GATB: variants seen among roughly 807,000 people sequenced by gnomAD.
GATB encodes glutamyl-tRNA(Gln) amidotransferase subunit B, mitochondrial.
A neutral mutation model predicts 62.3 loss-of-function variants in GATB; 39 were observed. That is an observed-to-expected ratio of 0.63 (90% CI 0.48 to 0.82). The LOEUF (loss-of-function observed/expected upper bound fraction) is 0.82. Among genes scored for constraint, GATB ranks in the 40% least tolerant of loss-of-function variants. The pLI is 0.00. For synonymous variants in GATB, 276 were observed against 258.9 expected (o/e 1.07, Z -0.63); for missense variants, 670 against 684.0 (o/e 0.98, Z 0.23).
rs1454529202 is a variant in GATB at position 151,671,186 on chromosome 4, C to T, written c.1662G>A (p.Lys554=). 2 of 1,614,176 alleles carry T rather than the reference C, an allele frequency of 1.2e-6. No homozygotes were observed. Among genetic ancestry groups the T allele is most frequent in the Non-Finnish European group, 8.5e-7 (1 of 1,180,026 alleles). Reference sequence around the variant, plus strand: ...GATCCCAAACATCTCACAATGACAGCTTCTTCTCCAGGATCTCCTTTATCA... The same window carrying T: ...GATCCCAAACATCTCACAATGACAGTTTCTTCTCCAGGATCTCCTTTATCA... ...PVMIKEILEK[K]LSL is the part of the protein sequence containing the mutation. Residue 554 remains lysine (K), a synonymous_variant, in exon 13 of 13, where the codon AAG becomes AAA. Coordinates refer to ENST00000263985, the MANE Select transcript of GATB (RefSeq NM_004564.3).
intron 2 of GATB, among the ~76,000 whole-genome samples, chr4:151,740,845 C>T (rs968057758): frequency 6.6e-5 from 10 of 152,126 alleles, no homozygotes; most frequent in African/African-American, 2.4e-4. Flanking sequence ...TAGTATAAAT[C>T]ACCAGAACAA....
intron 9 of GATB, among the ~76,000 whole-genome samples, chr4:151,695,629 C>T (rs779272511): frequency 1.3e-5 from 2 of 152,148 alleles, no homozygotes; most frequent in Non-Finnish European, 2.9e-5. Flanking sequence ...CAGGGCCCTG[C>T]AAGCTCATCT....
chr4:151,739,442 A>G (rs182467686), intron 2 of GATB, among the ~76,000 whole-genome samples: 2 of 152,296 alleles, frequency 1.3e-5, no homozygotes, highest in East Asian at 3.9e-4. Context: ...AAGATTTTTA[A>G]AAGAGCTGAG....
rs150143576 is a variant in GATB at position 151,725,538 on chromosome 4, G to A, written c.328-6000C>T. ...TTTTGTGGACACCCTTTTCACATGC[G>A]TGGAGCCAAGAATTATGAAATCCAA... is the stretch of plus-strand genomic sequence containing the variant. On this transcript the variant is annotated intron_variant, in intron 2 of 12. Coordinates refer to ENST00000263985, the MANE Select transcript of GATB (RefSeq NM_004564.3). 9.9e-3 allele frequency among the ~76,000 whole-genome samples: 1,510 copies of A among 152,290 alleles called. 10 individuals are homozygous for A. Among genetic ancestry groups the A allele is most frequent in the Middle Eastern group, 0.031 (9 of 294 alleles).
intron 3 of GATB, 144 bp from the exon 4 acceptor site, chr4:151,717,218 T>A (rs1738931854): frequency 2.7e-6 from 2 of 743,944 alleles, no homozygotes; most frequent in East Asian, 5.4e-5. Flanking sequence ...GAGAAAAAAA[T>A]TAGTTGCTGC....
chr4:151,759,000 T>A (rs1400455807), intron 1 of GATB, 78 bp from the exon 2 acceptor site: 1 of 1,016,930 alleles, frequency 9.8e-7, no homozygotes, highest in African/African-American at 1.6e-5. Context: ...AAACCACAAA[T>A]GTTAATTTCC....
At chr4:151,734,248 T>C (rs939437959) in intron 2 of GATB, among the ~76,000 whole-genome samples, 1 of 151,890 alleles carries the variant, frequency 6.6e-6, no homozygotes, top group Non-Finnish European at 1.5e-5. Context: ...CAGCAAAGTT[T>C]CCAGATACAA....
chr4:151,725,717 G>A (rs928157239), intron 2 of GATB, among the ~76,000 whole-genome samples: 5 of 152,188 alleles, frequency 3.3e-5, no homozygotes, highest in Non-Finnish European at 7.3e-5. Context: ...TAGGATTTTA[G>A]TACTTTTATG....
chr4:151,732,714 TAAAA>T (rs371222321), intron 2 of GATB, among the ~76,000 whole-genome samples: 1 of 66,374 alleles, frequency 1.5e-5, no homozygotes, highest in African/African-American at 5.2e-5. Flanking sequence ...GAATGATCAA[TAAAA>T]AAAAAAAAAA....
rs990814711 is a variant in GATB at position 151,705,341 on chromosome 4, C to G, written c.878-72G>C. On this transcript the variant is annotated intron_variant, in intron 6 of 12. Transcript: ENST00000263985. Reference sequence around the variant, plus strand: ...CATCCAGTCAAGCAATAATTAGAAACAACCTTTCTCAATCTCTAAGTTAAA... The same window carrying G: ...CATCCAGTCAAGCAATAATTAGAAAGAACCTTTCTCAATCTCTAAGTTAAA... 4.6e-6 allele frequency: 4 copies of G among 877,956 alleles called. No homozygotes were observed. In the South Asian group the frequency reaches 6.1e-5, roughly 13 times the overall value. The allele number at this position is 877,956 out of a possible 1,614,324, so 54.4% of individuals were successfully genotyped here. A position where few individuals can be genotyped will look rare whatever the true frequency, so the allele number is the denominator to read the frequency against.
chr4:151,695,829 C>G (rs916833139), intron 9 of GATB, among the ~76,000 whole-genome samples: 2 of 152,134 alleles, frequency 1.3e-5, no homozygotes, highest in African/African-American at 4.8e-5. Context: ...ACGACCACAG[C>G]TCGCTACAGC....
Position 151,671,147 on chromosome 4 carries a change from C to T in GATB, c.*27G>A, listed in dbSNP as rs376089217. The T allele has an allele frequency of 6.2e-7, 1 of 1,613,774 alleles. No individual in the cohort carries two copies. The highest frequency in any genetic ancestry group is 1.3e-5 in the African/African-American group (1 of 74,928). ...GTCAGGCTGCACTGTTTGTTGTTGT[C>T]CCTTGGGCAAGGGGATCCCAAACAT... is the stretch of plus-strand genomic sequence containing the variant. On this transcript the variant is annotated 3_prime_UTR_variant, in exon 13 of 13. Coordinates refer to ENST00000263985, the MANE Select transcript of GATB (RefSeq NM_004564.3).
intron 2 of GATB, among the ~76,000 whole-genome samples, chr4:151,733,663 G>GTT (rs1292530162): frequency 1.3e-5 from 2 of 151,880 alleles, no homozygotes; most frequent in Non-Finnish European, 2.9e-5. Flanking sequence ...AAACAAAAAA[G>GTT]AATATATCCT....
intron 12 of GATB, among the ~76,000 whole-genome samples, chr4:151,672,336 G>A (rs565655023): frequency 6.6e-6 from 1 of 152,256 alleles, no homozygotes; most frequent in South Asian, 2.1e-4. Flanking sequence ...TTAGAAGCAT[G>A]AAGCTGAAGT....
chr4:151,715,847 C>A (rs1738901289), intron 5 of GATB, among the ~76,000 whole-genome samples, 162 bp downstream of exon 5: 1 of 151,912 alleles, frequency 6.6e-6, no homozygotes, highest in Non-Finnish European at 1.5e-5. Flanking sequence ...AACAAACAAA[C>A]AAACAAACAA....
intron 4 of GATB, among the ~76,000 whole-genome samples, 162 bp downstream of exon 4, chr4:151,716,714 G>A (rs1738919536): frequency 6.6e-6 from 1 of 152,214 alleles, no homozygotes; most frequent in South Asian, 2.1e-4. Flanking sequence ...ATGTTCGCTA[G>A]TCAGCTATGC....
intron 5 of GATB, among the ~76,000 whole-genome samples, chr4:151,712,135 CG>C (rs1390068209): frequency 6.6e-6 from 1 of 152,144 alleles, no homozygotes; most frequent in Non-Finnish European, 1.5e-5. Flanking sequence ...GCATGAGTTT[CG>C]GTCTCTCCCA....
chr4:151,717,615 C>T (rs2126978301), intron 3 of GATB, among the ~76,000 whole-genome samples: 1 of 152,258 alleles, frequency 6.6e-6, no homozygotes, highest in East Asian at 1.9e-4. Flanking sequence ...GACCCAACCT[C>T]CCTAGCTCCT....
intron 2 of GATB, among the ~76,000 whole-genome samples, chr4:151,729,432 A>G (rs1205796315): frequency 2.6e-5 from 4 of 152,196 alleles, no homozygotes; most frequent in Admixed American, 2.0e-4. Context: ...CAATACTGAG[A>G]CAACTGTGCA....
Sources: gnomAD v4.1 joint callset for allele counts (sites outside exome capture counted in the v4.1 genomes callset) on GRCh38, gnomAD v4.1.1 for gene constraint, MANE v1.5 for transcripts, NCBI Gene and HGNC (gene_info 2026-07-23, HGNC 2026-07-21) for gene names.